The following FNBP1L variants were observed in gnomAD, a reference collection of about 807,000 sequenced individuals.
FNBP1L encodes the protein formin binding protein 1 like, also known as formin-binding protein 1-like.
Under a neutral mutation model 91.2 loss-of-function variants are expected in FNBP1L, and 36 were observed. The observed-to-expected ratio is 0.39, with a 90% CI of 0.30 to 0.52. FNBP1L has a LOEUF of 0.52. Ranked by LOEUF, FNBP1L falls within the 20% of genes least tolerant of loss-of-function variation. FNBP1L has a pLI of 0.66. For synonymous variants in FNBP1L, 242 were observed against 237.0 expected (o/e 1.02, Z -0.19); for missense variants, 571 against 732.1 (o/e 0.78, Z 2.54).
intron 12 of FNBP1L, among the ~76,000 whole-genome samples, chr1:93,544,492 C>T (rs1025774450): frequency 1.3e-5 from 2 of 152,076 alleles, no homozygotes; most frequent in Admixed American, 6.6e-5. Context: ...TTCATCAGCA[C>T]TACCTCTTAT....
Position 93,536,420 on chromosome 1 carries a change from T to C in FNBP1L, c.1079T>C (p.Val360Ala), listed in dbSNP as rs1671853480. The C allele has an allele frequency of 6.4e-7, 1 of 1,550,730 alleles. No individual in the cohort carries two copies. Among genetic ancestry groups the C allele is most frequent in the African/African-American group, 1.4e-5 (1 of 72,976 alleles). The part of the protein sequence containing the change: ...SQFLTFSIEP[V>A]HYCMNEIKTG... Reference sequence around the variant, plus strand: ...TTTCTCACATTCTCCATTGAGCCCGTGCATTATTGTATGAATGAAATAAAA... The same window carrying C: ...TTTCTCACATTCTCCATTGAGCCCGCGCATTATTGTATGAATGAAATAAAA... The change falls in exon 10 of 17, where the codon GTG becomes GCG. Residue 360 changes from valine (V) to alanine (A), a missense_variant. Physicochemically the swap from Val to Ala is moderately conservative, Grantham distance 64. This residue lies in a region of FNBP1L where 150 missense variants were observed against 155.9 expected (regional missense o/e 0.96). Coordinates refer to ENST00000271234, the MANE Select transcript of FNBP1L (RefSeq NM_001164473.3).
chr1:93,522,626 CAA>C (rs1352167423), intron 3 of FNBP1L, among the ~76,000 whole-genome samples: 1 of 151,976 alleles, frequency 6.6e-6, no homozygotes, highest in Non-Finnish European at 1.5e-5. Flanking sequence ...GATGGAGAAA[CAA>C]GAGGAGACTC....
At chr1:93,534,107 G>A (rs994922660) in intron 8 of FNBP1L, among the ~76,000 whole-genome samples, 18 of 152,096 alleles carry the variant, frequency 1.2e-4, no homozygotes, top group Admixed American at 3.3e-4. Flanking sequence ...TAAATACATG[G>A]TATTAAACTT....
At position 93,544,700 on chromosome 1, in the gene FNBP1L, AATT is replaced by A. The variant is rs538244880; in HGVS notation, c.1274+488_1274+490del. On this transcript the variant is annotated intron_variant, in intron 12 of 16. Coordinates refer to ENST00000271234, the MANE Select transcript of FNBP1L (RefSeq NM_001164473.3). ...AATTTTTTAAAAATAGACATAGAAG[AATT>A]ATTCACGATCATTAAAGTGTTATTA... Among the ~76,000 whole-genome samples, 183 of 152,300 alleles carry A rather than the reference AATT, an allele frequency of 1.2e-3. 1 individual carries two copies. The Middle Eastern group carries it at 0.017, about 14-fold the overall frequency.
intron 1 of FNBP1L, among the ~76,000 whole-genome samples, chr1:93,497,941 C>T (rs1670321973): frequency 6.6e-6 from 1 of 150,722 alleles, no homozygotes; most frequent in Admixed American, 6.6e-5. Context: ...AAAGTCATTG[C>T]TCAAAGGCTT....
At chr1:93,507,581 T>A (rs1268521275) in intron 2 of FNBP1L, among the ~76,000 whole-genome samples, 5 of 152,208 alleles carry the variant, frequency 3.3e-5, no homozygotes, top group African/African-American at 1.2e-4. Context: ...AGACTGTTTT[T>A]TCAGAAGGCC....
chr1:93,456,269 T>A (rs1385857348), intron 1 of FNBP1L, among the ~76,000 whole-genome samples: 1 of 152,210 alleles, frequency 6.6e-6, no homozygotes, highest in East Asian at 1.9e-4. Flanking sequence ...ATTTTTTCCT[T>A]AAGTTCTTGA....
intron 1 of FNBP1L, among the ~76,000 whole-genome samples, chr1:93,451,098 G>GT (rs1361232283): frequency 6.6e-6 from 1 of 152,154 alleles, no homozygotes; most frequent in Non-Finnish European, 1.5e-5. Flanking sequence ...TGTATTCTGG[G>GT]TAATACCAAG....
In FNBP1L at chr1:93,503,754, T is replaced by C. The variant is rs952211022; in HGVS notation, c.140+4171T>C. 7.2e-5 allele frequency among the ~76,000 whole-genome samples: 11 copies of C among 152,356 alleles called. No individual in the cohort carries two copies. In the East Asian group the frequency reaches 2.1e-3, roughly 29 times the overall value. On this transcript the variant is annotated intron_variant, in intron 2 of 16. Coordinates refer to ENST00000271234, the MANE Select transcript of FNBP1L (RefSeq NM_001164473.3). Reference sequence around the variant, plus strand: ...TTTTTTGTTTGCAAAGATATGCAACTGAAATCAGTCATTCTTTTAATAAAC... The same window carrying C: ...TTTTTTGTTTGCAAAGATATGCAACCGAAATCAGTCATTCTTTTAATAAAC...
At chr1:93,448,922 C>T (rs1212389918) in intron 1 of FNBP1L, among the ~76,000 whole-genome samples, 5 of 152,220 alleles carry the variant, frequency 3.3e-5, no homozygotes, top group Admixed American at 2.0e-4. Context: ...TGCCTCAGTG[C>T]TTCGGGCGGG....
At chr1:93,471,819 G>A (rs920085703) in intron 1 of FNBP1L, among the ~76,000 whole-genome samples, 5 of 152,124 alleles carry the variant, frequency 3.3e-5, no homozygotes, top group Admixed American at 3.3e-4. Flanking sequence ...TTAGTCATTT[G>A]TTTTGTGTAT....
intron 1 of FNBP1L, among the ~76,000 whole-genome samples, chr1:93,451,910 A>G (rs113936965): frequency 6.6e-4 from 100 of 152,290 alleles, no homozygotes; most frequent in African/African-American, 2.1e-3. Context: ...TCGGCCTCTC[A>G]AAGTGCTGGG....
intron 1 of FNBP1L, among the ~76,000 whole-genome samples, chr1:93,476,761 T>C (rs1570781133): frequency 6.6e-6 from 1 of 151,858 alleles, no homozygotes; most frequent in Non-Finnish European, 1.5e-5. Context: ...AACAGGAGGG[T>C]GTCTTTCTCA....
chr1:93,543,935 A>G (rs944221965), intron 11 of FNBP1L, 172 bp from the exon 12 acceptor site: 26 of 404,088 alleles, frequency 6.4e-5, no homozygotes, highest in Non-Finnish European at 1.1e-4. Flanking sequence ...TCATTAACAT[A>G]TACGCATAAA....
chr1:93,514,476 A>T (rs575665839), intron 2 of FNBP1L, among the ~76,000 whole-genome samples: 1 of 151,854 alleles, frequency 6.6e-6, no homozygotes, highest in Admixed American at 6.5e-5. Context: ...CCTAAGCCAA[A>T]AGAACAAAGC....
intron 2 of FNBP1L, among the ~76,000 whole-genome samples, chr1:93,503,980 A>T (rs935809720): frequency 6.6e-6 from 1 of 152,088 alleles, no homozygotes; most frequent in African/African-American, 2.4e-5. Context: ...GCAGTATGGT[A>T]TAGTGGAAGA....
chr1:93,479,220 G>C (rs982373094), intron 1 of FNBP1L, among the ~76,000 whole-genome samples: 2 of 152,170 alleles, frequency 1.3e-5, no homozygotes, highest in Non-Finnish European at 2.9e-5. Context: ...ACTTCAAAAG[G>C]GGAGGGGGTG....
chr1:93,496,764 C>T (rs182849052), intron 1 of FNBP1L, among the ~76,000 whole-genome samples: 97 of 152,090 alleles, frequency 6.4e-4, no homozygotes, highest in Admixed American at 1.6e-3. Context: ...CTCCTGGCCT[C>T]GAATGAGTCT....
intron 1 of FNBP1L, among the ~76,000 whole-genome samples, chr1:93,474,640 T>A (rs1330486257): frequency 1.3e-5 from 2 of 152,162 alleles, no homozygotes; most frequent in African/African-American, 4.8e-5. Context: ...CTGGAGAGTA[T>A]ATATTTTAAA....
Sources: allele counts gnomAD v4.1 joint callset (sites outside exome capture counted in the v4.1 genomes callset), GRCh38; gene constraint gnomAD v4.1.1; regional missense constraint gnomAD v4.1.1; transcripts MANE v1.5; gene names NCBI Gene and HGNC (gene_info 2026-07-23, HGNC 2026-07-21).